The following ZNF184 variants were observed in gnomAD, a reference collection of about 807,000 sequenced individuals.
ZNF184 encodes the protein zinc finger protein 184, also known as zinc finger protein 184 (Kruppel-like).
In ZNF184, 16 loss-of-function variants were observed where a neutral mutation model predicts 54.4. The observed-to-expected ratio is 0.29, with a 90% CI of 0.20 to 0.45. ZNF184 has a LOEUF of 0.45. ZNF184 is among the 20% of genes least tolerant of loss of function. The pLI, the probability that ZNF184 is intolerant of heterozygous loss-of-function variation, is 1.00. For missense variants in ZNF184, 681 were observed against 888.2 expected (o/e 0.77, Z 2.97); for synonymous variants, 254 against 295.3 (o/e 0.86, Z 1.43).
chr6:27,458,602 A>T (rs1024487247), intron 3 of ZNF184, among the ~76,000 whole-genome samples: 2 of 152,034 alleles, frequency 1.3e-5, no homozygotes, highest in African/African-American at 4.8e-5. Flanking sequence ...AAAATAACAA[A>T]TGCTGGCAAG....
At chr6:27,458,054 AT>A (rs757135069) in intron 3 of ZNF184, among the ~76,000 whole-genome samples, 10 of 151,880 alleles carry the variant, frequency 6.6e-5, no homozygotes, top group African/African-American at 9.7e-5. Context: ...TGAAAAAAAA[AT>A]TAAGGTGAGA....
At chr6:27,434,307 G>A in the ZNF184 span, among the ~76,000 whole-genome samples, 3 of 152,128 alleles carry the variant, frequency 2.0e-5, no homozygotes, top group Non-Finnish European at 4.4e-5. Context: ...AGCATGGGTT[G>A]CAATTTGTCT....
intron 5 of ZNF184, among the ~76,000 whole-genome samples, chr6:27,455,106 T>C (rs373907558): frequency 6.6e-6 from 1 of 152,176 alleles, no homozygotes; most frequent in Non-Finnish European, 1.5e-5. Flanking sequence ...TCTACAAAAC[T>C]ATACGACATT....
chr6:27,444,957 C>T, the ZNF184 span, among the ~76,000 whole-genome samples: 1 of 152,132 alleles, frequency 6.6e-6, no homozygotes, highest in African/African-American at 2.4e-5. Context: ...ACAATGAAAA[C>T]GTTGGCAAAG....
intron 2 of ZNF184, among the ~76,000 whole-genome samples, chr6:27,471,597 G>A (rs992099509): frequency 6.6e-6 from 1 of 152,182 alleles, no homozygotes; most frequent in Non-Finnish European, 1.5e-5. Context: ...GAAAAATGCT[G>A]ACAAGCAGGA....
the ZNF184 span, among the ~76,000 whole-genome samples, chr6:27,430,315 G>C: frequency 6.6e-6 from 1 of 152,136 alleles, no homozygotes; most frequent in Non-Finnish European, 1.5e-5. Flanking sequence ...GGTGGGACAA[G>C]AGACAAGTCA....
chr6:27,441,828 T>C, the ZNF184 span, among the ~76,000 whole-genome samples: 2 of 152,224 alleles, frequency 1.3e-5, no homozygotes, highest in Non-Finnish European at 2.9e-5. Flanking sequence ...GCTAATTTAT[T>C]AATTAACAAT....
chr6:27,415,443 T>TTTCTCTAACTTTAGGAACTTCAGTG, the ZNF184 span, among the ~76,000 whole-genome samples: 1 of 152,196 alleles, frequency 6.6e-6, no homozygotes, highest in Admixed American at 6.5e-5. Context: ...AAAAAATGCT[T>TTTCTCTAACTTTAGGAACTTCAGTG]TTCTCTAACT....
chr6:27,455,676 G>A (rs941614279), intron 5 of ZNF184, among the ~76,000 whole-genome samples: 1 of 151,900 alleles, frequency 6.6e-6, no homozygotes, highest in African/African-American at 2.4e-5. Context: ...TACATTCTAT[G>A]CAACCCTGTT....
At chr6:27,425,038 A>G in the ZNF184 span, among the ~76,000 whole-genome samples, 1 of 152,030 alleles carries the variant, frequency 6.6e-6, no homozygotes, top group African/African-American at 2.4e-5. Context: ...CTGCTGGGGG[A>G]CCCAGTACAC....
At position 27,472,358 on chromosome 6, in the gene ZNF184, A is replaced by G; in HGVS notation, c.-64T>C. On this transcript the variant is annotated 5_prime_UTR_variant, in exon 2 of 6. Coordinates refer to ENST00000683788, the MANE Select transcript of ZNF184 (RefSeq NM_001318891.2). The surrounding 1 kb of genome is among the most constrained non-coding windows in gnomAD (Gnocchi z 4.8). ...AGGGTTCGCCAGGCAGCGTTCCTTCAGCTGGTATCTCGGTCTAGGACTCAG... is the reference window on the plus strand; with the variant it reads ...AGGGTTCGCCAGGCAGCGTTCCTTCGGCTGGTATCTCGGTCTAGGACTCAG... 1.9e-6 allele frequency: 3 copies of G among 1,611,614 alleles called. No individual in the cohort carries two copies. The highest frequency in any genetic ancestry group is 2.5e-6 in the Non-Finnish European group (3 of 1,178,142).
chr6:27,423,127 A>G, the ZNF184 span, among the ~76,000 whole-genome samples: 1 of 152,234 alleles, frequency 6.6e-6, no homozygotes, highest in African/African-American at 2.4e-5. Context: ...CAGTCTGCGA[A>G]CTACAATTCC....
At chr6:27,405,464 T>G in the ZNF184 span, 5 of 152,260 alleles carry the variant, frequency 3.3e-5, no homozygotes, top group Admixed American at 1.3e-4. Flanking sequence ...CTGTGTACCA[T>G]GTCCTATTAG....
chr6:27,445,409 T>A, the ZNF184 span, among the ~76,000 whole-genome samples: 1 of 152,198 alleles, frequency 6.6e-6, no homozygotes, highest in African/African-American at 2.4e-5. Flanking sequence ...AAAATTTAAT[T>A]GCCATTGTGA....
intron 3 of ZNF184, among the ~76,000 whole-genome samples, chr6:27,462,488 G>A (rs1477244021): frequency 2.6e-5 from 4 of 151,088 alleles, no homozygotes; most frequent in Non-Finnish European, 4.4e-5. Flanking sequence ...GTGAGCCACT[G>A]CGCCTGGCCA....
At chr6:27,418,143 G>T in the ZNF184 span, among the ~76,000 whole-genome samples, 1 of 152,180 alleles carries the variant, frequency 6.6e-6, no homozygotes, top group Non-Finnish European at 1.5e-5. Flanking sequence ...TAATTCATGG[G>T]TTCCATGTTT....
At chr6:27,424,379 A>C in the ZNF184 span, among the ~76,000 whole-genome samples, 1 of 152,202 alleles carries the variant, frequency 6.6e-6, no homozygotes, top group South Asian at 2.1e-4. Flanking sequence ...CAGAGTTGCC[A>C]CTGCTGGCCC....
chr6:27,459,219 A>C (rs1483228998), intron 3 of ZNF184, among the ~76,000 whole-genome samples: 1 of 152,236 alleles, frequency 6.6e-6, no homozygotes, highest in African/African-American at 2.4e-5. Context: ...ACAAGAAAGT[A>C]GAAGAGAGGA....
chr6:27,408,840 C>A, the ZNF184 span, among the ~76,000 whole-genome samples: 1 of 152,118 alleles, frequency 6.6e-6, no homozygotes, highest in African/African-American at 2.4e-5. Flanking sequence ...TTAGGAATGT[C>A]AGGACTTTAT....
Sources: gnomAD v4.1 joint callset for allele counts (sites outside exome capture counted in the v4.1 genomes callset) on GRCh38, gnomAD v4.1.1 for gene constraint, Gnocchi (gnomAD v3.1) non-coding constraint, MANE v1.5 for transcripts, NCBI Gene and HGNC (gene_info 2026-07-23, HGNC 2026-07-21) for gene names.